Variants in DTNA observed in about 807,000 individuals in gnomAD.
The protein encoded by DTNA is dystrobrevin alpha, also known as dystrophin-related protein 3.
In DTNA, 43 loss-of-function variants were observed where a neutral mutation model predicts 100.7. That is an observed-to-expected ratio of 0.43 (90% CI 0.33 to 0.55). DTNA has a LOEUF of 0.55. Ranked by LOEUF, DTNA falls within the 20% of genes least tolerant of loss-of-function variation. The pLI is 0.04. For synonymous variants in DTNA, 349 were observed against 347.9 expected, an observed-to-expected ratio of 1.00 and a Z score of -0.04; for missense variants, 798 against 953.9, an observed-to-expected ratio of 0.84 and a Z score of 2.15.
At chr18:34,724,255 G>A (rs998754768) in intron 1 of DTNA, among the ~76,000 whole-genome samples, 3 of 152,102 alleles carry the variant, frequency 2.0e-5, no homozygotes, top group African/African-American at 7.2e-5. Context: ...GATACAAAGA[G>A]TTATGTACAG....
chr18:34,518,122 T>C (rs2041826281), intron 1 of DTNA, among the ~76,000 whole-genome samples: 1 of 152,214 alleles, frequency 6.6e-6, no homozygotes, highest in South Asian at 2.1e-4. Context: ...TGTTAGACAT[T>C]CTGATACATG....
At chr18:34,868,669 TCTA>T (rs775869281) in intron 17 of DTNA, 293 of 985,334 alleles carry the variant, frequency 3.0e-4, no homozygotes, top group Non-Finnish European at 3.4e-4. Flanking sequence ...ATATATAATT[TCTA>T]CTTACATTGT....
At chr18:34,713,806 G>A (rs954964712) in intron 1 of DTNA, among the ~76,000 whole-genome samples, 5 of 151,866 alleles carry the variant, frequency 3.3e-5, no homozygotes, top group Admixed American at 6.6e-5. Flanking sequence ...TTGAGCAGTG[G>A]TTTGTAGTTC....
intron 6 of DTNA, 42 bp downstream of exon 6, chr18:34,812,155 G>A (rs1353206272): frequency 6.2e-7 from 1 of 1,612,784 alleles, no homozygotes; most frequent in Non-Finnish European, 8.5e-7. Flanking sequence ...CTTTCAAACA[G>A]TGGTTGCTCT....
intron 1 of DTNA, among the ~76,000 whole-genome samples, chr18:34,519,307 T>C (rs2041951726): frequency 6.6e-6 from 1 of 152,092 alleles, no homozygotes; most frequent in Non-Finnish European, 1.5e-5. Context: ...TGTTATAAAT[T>C]TAGGTTGTAC....
intron 2 of DTNA, among the ~76,000 whole-genome samples, chr18:34,757,614 C>T (rs1209160560): frequency 6.6e-6 from 1 of 152,120 alleles, no homozygotes; most frequent in Non-Finnish European, 1.5e-5. Context: ...TAGTGCCTGG[C>T]TCAGACAAAT....
At chr18:34,850,777 A>G (rs1430134331) in intron 14 of DTNA, among the ~76,000 whole-genome samples, 1 of 152,234 alleles carries the variant, frequency 6.6e-6, no homozygotes, top group Non-Finnish European at 1.5e-5. Context: ...TTTTTGTAAA[A>G]CAACACCAAA....
At chr18:34,521,528 C>A (rs143031987) in intron 1 of DTNA, among the ~76,000 whole-genome samples, 300 of 152,258 alleles carry the variant, frequency 2.0e-3, no homozygotes, top group African/African-American at 7.1e-3. Context: ...CCTTGCAAAG[C>A]ATGACCTGTA....
intron 12 of DTNA, 43 bp from the exon 13 acceptor site, chr18:34,838,702 C>T (rs1274473511): frequency 3.2e-6 from 5 of 1,547,724 alleles, no homozygotes; most frequent in Admixed American, 1.7e-5. Flanking sequence ...TTTCTGTCCA[C>T]CTCTCTTAAC....
intron 1 of DTNA, among the ~76,000 whole-genome samples, chr18:34,636,999 C>A (rs142566989): frequency 3.5e-4 from 53 of 152,222 alleles, no homozygotes; most frequent in African/African-American, 1.3e-3. Flanking sequence ...TCTGAAAGGA[C>A]CCCAGAGAAG....
Position 34,890,077 on chromosome 18 carries a change from G to C in DTNA, c.*2343G>C, listed in dbSNP as rs1603373520. 6.6e-6 allele frequency: 9 copies of C among 1,369,264 alleles called. No individual in the cohort carries two copies. The highest frequency in any genetic ancestry group is 8.5e-6 in the Non-Finnish European group (9 of 1,064,056). 84.8% of individuals were successfully genotyped at this position (1,369,264 alleles called of 1,614,324 possible). ...GCACGTGGCACTCCACCACTGACTG[G>C]ACCGAGCTGGCATATGTTGTTTCTT... On this transcript the variant is annotated 3_prime_UTR_variant, in exon 23 of 23. Coordinates refer to ENST00000444659, the MANE Select transcript of DTNA (RefSeq NM_001386795.1).
At chr18:34,835,423 C>T (rs2096118912) in intron 11 of DTNA, among the ~76,000 whole-genome samples, 1 of 151,902 alleles carries the variant, frequency 6.6e-6, no homozygotes, top group Non-Finnish European at 1.5e-5. Flanking sequence ...AAAATGACAA[C>T]AAAAGTTAAG....
chr18:34,515,534 T>C (rs117864112), intron 1 of DTNA, among the ~76,000 whole-genome samples: 2,561 of 152,274 alleles, frequency 0.017, 34 homozygotes, highest in Middle Eastern at 0.048. Context: ...ATAAGCCTTG[T>C]ATTCGATTGT....
At chr18:34,684,221 C>T (rs1264319378) in intron 1 of DTNA, among the ~76,000 whole-genome samples, 2 of 152,074 alleles carry the variant, frequency 1.3e-5, no homozygotes, top group Non-Finnish European at 2.9e-5. Flanking sequence ...CACAGGCATA[C>T]AGGTACCATG....
chr18:34,720,735 T>C (rs756174131), intron 1 of DTNA, among the ~76,000 whole-genome samples: 1 of 152,180 alleles, frequency 6.6e-6, no homozygotes, highest in Admixed American at 6.5e-5. Context: ...TCAGCAGAAC[T>C]GTCACCACTC....
At chr18:34,712,808 T>C (rs1244116633) in intron 1 of DTNA, among the ~76,000 whole-genome samples, 3 of 152,138 alleles carry the variant, frequency 2.0e-5, no homozygotes, top group Non-Finnish European at 4.4e-5. Flanking sequence ...GACCAATAGA[T>C]AATTATCTGC....
chr18:34,675,254 C>G (rs1599997308), intron 1 of DTNA, among the ~76,000 whole-genome samples: 1 of 151,944 alleles, frequency 6.6e-6, no homozygotes, highest in Non-Finnish European at 1.5e-5. Context: ...CCCTGCACAA[C>G]CAAAAATGTC....
intron 1 of DTNA, among the ~76,000 whole-genome samples, chr18:34,507,739 A>G (rs1224770916): frequency 1.3e-5 from 2 of 150,254 alleles, no homozygotes; most frequent in African/African-American, 5.0e-5. Flanking sequence ...TGCAAATTCT[A>G]AGTGTCTATC....
chr18:34,730,389 G>C (rs145972340), intron 1 of DTNA, among the ~76,000 whole-genome samples: 440 of 152,312 alleles, frequency 2.9e-3, no homozygotes, highest in South Asian at 7.5e-3. Context: ...ACAGTTGTTG[G>C]GGGCTCTGAT....
Sources: gnomAD v4.1 joint callset for allele counts (sites outside exome capture counted in the v4.1 genomes callset) on GRCh38, gnomAD v4.1.1 for gene constraint, MANE v1.5 for transcripts, NCBI Gene and HGNC (gene_info 2026-07-23, HGNC 2026-07-21) for gene names.